The following LRP5 variants were observed in gnomAD, a reference collection of about 807,000 sequenced individuals.
LRP5 encodes low-density lipoprotein receptor-related protein 5.
Under a neutral mutation model 154.1 loss-of-function variants are expected in LRP5, and 62 were observed. The ratio of observed to expected loss-of-function variants is 0.40; its 90% CI spans 0.33 to 0.50. The LOEUF (loss-of-function observed/expected upper bound fraction) is 0.50, where lower values mean the gene tolerates loss of function less well. Ranked by LOEUF, LRP5 falls within the 20% of genes least tolerant of loss-of-function variation. LRP5 has a pLI of 0.55. For synonymous variants in LRP5, 966 were observed against 1,011.5 expected (o/e 0.96, Z 0.85); for missense variants, 1,915 against 2,336.7 (o/e 0.82, Z 3.72).
chr11:68,377,427 G>A (rs1456019055), intron 5 of LRP5, among the ~76,000 whole-genome samples: 2 of 152,200 alleles, frequency 1.3e-5, no homozygotes, highest in African/African-American at 4.8e-5. Flanking sequence ...GCACCGTGCA[G>A]GTGACAGTGG....
intron 5 of LRP5, among the ~76,000 whole-genome samples, chr11:68,377,448 G>A (rs1272891697): frequency 6.6e-6 from 1 of 152,192 alleles, no homozygotes. Context: ...CCGGCCTCAG[G>A]TTCCAGCAGA....
At chr11:68,302,242 A>G in the LRP5 span, among the ~76,000 whole-genome samples, 10 of 147,562 alleles carry the variant, frequency 6.8e-5, no homozygotes, top group Middle Eastern at 0.029. Context: ...GCTACTCAGG[A>G]GGCTGAGGCA....
rs1457834452 is a variant in LRP5 at position 68,438,489 on chromosome 11, T to G, written c.4155T>G (p.Ser1385Arg). The G allele has an allele frequency of 1.2e-6, 2 of 1,614,194 alleles. No individual in the cohort carries two copies. The highest frequency in any genetic ancestry group is 2.2e-5 in the South Asian group (2 of 91,088). ...PPSDDSPAHSSAIGPVIGIIL... is the reference protein window; with the variant it reads ...PPSDDSPAHSRAIGPVIGIIL... ...CAGACGACAGCCCGGCCCACAGCAG[T>G]GCCATCGGGCCCGTCATTGGCATCA... Residue 1385 changes from serine (S) to arginine (R), a missense_variant, in exon 20 of 23, where the codon AGT (serine) becomes AGG (arginine). Coordinates refer to ENST00000294304, the MANE Select transcript of LRP5 (RefSeq NM_002335.4).
At chr11:68,408,868 T>C (rs951439917) in intron 9 of LRP5, among the ~76,000 whole-genome samples, 1 of 151,400 alleles carries the variant, frequency 6.6e-6, no homozygotes. Flanking sequence ...GGCAACATAG[T>C]GAGACCCCAT....
At chr11:68,319,359 T>C (rs1352145282) in intron 1 of LRP5, among the ~76,000 whole-genome samples, 1 of 151,996 alleles carries the variant, frequency 6.6e-6, no homozygotes, top group Admixed American at 6.5e-5. Flanking sequence ...TGAGCCACCA[T>C]GCCCAGCCTG....
intron 13 of LRP5, among the ~76,000 whole-genome samples, chr11:68,419,497 G>T (rs2098664350): frequency 6.8e-6 from 1 of 147,772 alleles, no homozygotes; most frequent in African/African-American, 2.5e-5. Flanking sequence ...CCCTCCCAAA[G>T]TGCTGGGATT....
At chr11:68,419,774 C>T (rs61887859) in intron 13 of LRP5, among the ~76,000 whole-genome samples, 1 of 152,060 alleles carries the variant, frequency 6.6e-6, no homozygotes, top group South Asian at 2.1e-4. Flanking sequence ...GAACTCCTAA[C>T]CTGGTGATCC....
intron 6 of LRP5, among the ~76,000 whole-genome samples, chr11:68,389,053 C>T (rs151176886): frequency 3.3e-5 from 5 of 151,462 alleles, no homozygotes; most frequent in Admixed American, 6.6e-5. Flanking sequence ...TGACATTTAC[C>T]GACACTGACA....
intron 2 of LRP5, among the ~76,000 whole-genome samples, chr11:68,355,720 T>C (rs550318133): frequency 3.9e-5 from 6 of 152,328 alleles, no homozygotes; most frequent in Admixed American, 1.3e-4. Context: ...GAGGATGTGC[T>C]TGTTTCTCAT....
At chr11:68,376,407 T>C (rs1335768096) in intron 5 of LRP5, among the ~76,000 whole-genome samples, 1 of 152,142 alleles carries the variant, frequency 6.6e-6, no homozygotes, top group Non-Finnish European at 1.5e-5. Flanking sequence ...GGTCTCGATC[T>C]CCTGACCATC....
intron 5 of LRP5, among the ~76,000 whole-genome samples, chr11:68,376,890 A>T (rs1211574805): frequency 6.6e-6 from 1 of 152,202 alleles, no homozygotes; most frequent in Non-Finnish European, 1.5e-5. Flanking sequence ...CAAAGATGAG[A>T]GGGCTGCCCA....
intron 7 of LRP5, among the ~76,000 whole-genome samples, chr11:68,397,539 G>A (rs2098650125): frequency 6.6e-6 from 1 of 152,184 alleles, no homozygotes; most frequent in African/African-American, 2.4e-5. Context: ...TCCAGGGAAG[G>A]TCCTCTTTCC....
chr11:68,306,786 A>C, the LRP5 span, among the ~76,000 whole-genome samples: 1 of 152,346 alleles, frequency 6.6e-6, no homozygotes, highest in South Asian at 2.1e-4. Flanking sequence ...TGCCCAGGGC[A>C]TTCTTTCCCA....
intron 7 of LRP5, among the ~76,000 whole-genome samples, chr11:68,395,390 C>A (rs543760843): frequency 6.6e-6 from 1 of 151,876 alleles, no homozygotes; most frequent in East Asian, 1.9e-4. Context: ...TGGAGCAGGC[C>A]ACCCTGTGGT....
chr11:68,437,678 G>T (rs61670595), intron 19 of LRP5, among the ~76,000 whole-genome samples: 16,110 of 152,296 alleles, frequency 0.11, 1,083 homozygotes, highest in African/African-American at 0.17. Context: ...AGTCTGTTGG[G>T]GGGAGAAGGG....
intron 5 of LRP5, among the ~76,000 whole-genome samples, chr11:68,370,061 C>T (rs1013238074): frequency 3.3e-5 from 5 of 152,118 alleles, no homozygotes; most frequent in South Asian, 2.1e-4. Flanking sequence ...TTGCCTGCAT[C>T]GTCCCAGAAT....
At chr11:68,333,495 C>T (rs2098604038) in intron 1 of LRP5, among the ~76,000 whole-genome samples, 1 of 152,158 alleles carries the variant, frequency 6.6e-6, no homozygotes, top group Non-Finnish European at 1.5e-5. Context: ...TCATTTTAGC[C>T]TGATCAGTGC....
chr11:68,434,726 A>G (rs937937772), intron 18 of LRP5, among the ~76,000 whole-genome samples: 4 of 152,062 alleles, frequency 2.6e-5, no homozygotes, highest in Non-Finnish European at 4.4e-5. Flanking sequence ...TGCCTGCCAC[A>G]TGTTGTCAGC....
intron 16 of LRP5, among the ~76,000 whole-genome samples, chr11:68,429,316 G>A (rs1327826291): frequency 1.3e-5 from 2 of 152,164 alleles, no homozygotes; most frequent in Non-Finnish European, 2.9e-5. Flanking sequence ...GCACAGTAGA[G>A]ACTGGTGCAG....
Sources: allele counts gnomAD v4.1 joint callset (sites outside exome capture counted in the v4.1 genomes callset), GRCh38; gene constraint gnomAD v4.1.1; transcripts MANE v1.5; gene names NCBI Gene and HGNC (gene_info 2026-07-23, HGNC 2026-07-21).